KCNAB1: variants seen among roughly 807,000 people sequenced by gnomAD.
The protein encoded by KCNAB1 is voltage-gated potassium channel subunit beta-1.
KCNAB1 carries 35 observed loss-of-function variants against 64.6 expected under a neutral mutation model. The observed-to-expected ratio is 0.54, with a 90% CI of 0.41 to 0.72. The LOEUF (loss-of-function observed/expected upper bound fraction) is 0.72. KCNAB1 is among the 30% of genes least tolerant of loss of function. KCNAB1 has a pLI of 0.00. For synonymous variants in KCNAB1, 177 were observed against 183.8 expected, an observed-to-expected ratio of 0.96 and a Z score of 0.30; for missense variants, 401 against 512.9, an observed-to-expected ratio of 0.78 and a Z score of 2.11.
intron 1 of KCNAB1, among the ~76,000 whole-genome samples, chr3:156,160,931 A>T (rs1019022870): frequency 2.0e-5 from 3 of 152,242 alleles, no homozygotes; most frequent in African/African-American, 7.2e-5. Context: ...ACTCTGCAGC[A>T]GCTGTAGCTG....
intron 1 of KCNAB1, among the ~76,000 whole-genome samples, chr3:156,198,913 ATTTTT>A (rs71138701): frequency 4.7e-4 from 10 of 21,292 alleles, no homozygotes; most frequent in Admixed American, 1.2e-3. Flanking sequence ...TTATATTTTG[ATTTTT>A]TTTTTTTTTT....
intron 1 of KCNAB1, among the ~76,000 whole-genome samples, chr3:156,367,032 T>C (rs985280270): frequency 6.6e-6 from 1 of 152,284 alleles, no homozygotes; most frequent in African/African-American, 2.4e-5. Flanking sequence ...GCTAATCTAG[T>C]ACCTGGGCAG....
In KCNAB1 at chr3:156,419,632, C is replaced by T. The variant is rs112200830; in HGVS notation, c.276-1984C>T. Among the ~76,000 whole-genome samples the T allele has an allele frequency of 1.7e-3, 252 of 152,130 alleles. 2 individuals carry two copies. The highest frequency in any genetic ancestry group is 5.8e-3 in the African/African-American group (240 of 41,522). On this transcript the variant is annotated intron_variant, in intron 1 of 13. Coordinates refer to ENST00000490337, the MANE Select transcript of KCNAB1 (RefSeq NM_172160.3). Reference sequence around the variant, plus strand: ...TCCCTACTGAAAGACATTAAAAATACATGAAAACCCTTTTCTAGATCCTTT... The same window carrying T: ...TCCCTACTGAAAGACATTAAAAATATATGAAAACCCTTTTCTAGATCCTTT...
At chr3:156,400,872 C>A (rs1001639095) in intron 1 of KCNAB1, among the ~76,000 whole-genome samples, 10 of 152,184 alleles carry the variant, frequency 6.6e-5, no homozygotes, top group African/African-American at 2.4e-4. Context: ...CCCATCCTAC[C>A]CCCTACTTAG....
At position 156,459,855 on chromosome 3, in the gene KCNAB1, A is replaced by C; in HGVS notation, c.466A>C (p.Lys156Gln). 1 of 1,610,830 alleles carries C rather than the reference A, an allele frequency of 6.2e-7. No homozygotes were observed. The highest frequency in any genetic ancestry group is 8.5e-7 in the Non-Finnish European group (1 of 1,177,224). ...KAEVILGSII[K>Q]KKGWRRSSLV... ...TGAAGTGATTCTGGGGAGCATCATC[A>C]AGAAGAAAGGCTGGAGGTATTGCAT... The change falls in exon 5 of 14, where the codon AAG becomes CAG. Residue 156 changes from lysine (K) to glutamine (Q), a missense_variant. Coordinates refer to ENST00000490337, the MANE Select transcript of KCNAB1 (RefSeq NM_172160.3).
intron 4 of KCNAB1, among the ~76,000 whole-genome samples, chr3:156,459,457 T>C (rs964575259): frequency 2.0e-5 from 3 of 152,144 alleles, no homozygotes; most frequent in East Asian, 3.9e-4. Context: ...ATAGTCACAA[T>C]TGAATTGCTT....
At chr3:156,398,590 CAAA>C (rs767338912) in intron 1 of KCNAB1, among the ~76,000 whole-genome samples, 2 of 76,848 alleles carry the variant, frequency 2.6e-5, no homozygotes, top group East Asian at 4.8e-4. Flanking sequence ...GACTCCGTCT[CAAA>C]AAAAAAAAAA....
At position 156,515,122 on chromosome 3, in the gene KCNAB1, A is replaced by G; in HGVS notation, c.767A>G (p.Gln256Arg). 4 of 1,612,478 alleles carry G rather than the reference A, an allele frequency of 2.5e-6. No individual in the cohort carries two copies. Among genetic ancestry groups the G allele is most frequent in the Non-Finnish European group, 3.4e-6 (4 of 1,179,280 alleles). The change falls in exon 10 of 14, where the codon CAG (glutamine) becomes CGG (arginine). Residue 256 changes from glutamine (Q) to arginine (R), a missense_variant. By Grantham distance (43) the Gln-to-Arg change is conservative. Coordinates refer to ENST00000490337, the MANE Select transcript of KCNAB1 (RefSeq NM_172160.3). ...TAGGAAGCCTATTCTGTAGCAAGAC[A>G]GTTCAATATGATCCCACCGGTCTGT... ...EIMEAYSVAR[Q>R]FNMIPPVCEQ...
intron 11 of KCNAB1, among the ~76,000 whole-genome samples, chr3:156,523,209 A>G (rs1718072295): frequency 6.6e-6 from 1 of 152,156 alleles, no homozygotes; most frequent in Non-Finnish European, 1.5e-5. Flanking sequence ...ACATTTGCAA[A>G]GTCTTTATCT....
intron 1 of KCNAB1, among the ~76,000 whole-genome samples, chr3:156,344,825 C>T (rs906662580): frequency 6.6e-6 from 1 of 152,152 alleles, no homozygotes; most frequent in African/African-American, 2.4e-5. Context: ...TCTAAGATCC[C>T]ATTACGTCCT....
chr3:156,364,941 T>C (rs748081626), intron 1 of KCNAB1, among the ~76,000 whole-genome samples: 1 of 152,132 alleles, frequency 6.6e-6, no homozygotes, highest in Non-Finnish European at 1.5e-5. Context: ...CTAGGAGAGA[T>C]GACATCCAGG....
At chr3:156,520,708 A>G (rs914668884) in intron 11 of KCNAB1, among the ~76,000 whole-genome samples, 1 of 152,258 alleles carries the variant, frequency 6.6e-6, no homozygotes, top group African/African-American at 2.4e-5. Context: ...AACTAAGCAT[A>G]TTGTACATTA....
chr3:156,260,090 G>A (rs543428860), intron 1 of KCNAB1, among the ~76,000 whole-genome samples: 265 of 152,094 alleles, frequency 1.7e-3, no homozygotes, highest in Non-Finnish European at 1.6e-3. Flanking sequence ...ATCCTGCCTT[G>A]AAACTTCTGT....
At chr3:156,490,947 A>C (rs1026899691) in intron 8 of KCNAB1, among the ~76,000 whole-genome samples, 2 of 152,154 alleles carry the variant, frequency 1.3e-5, no homozygotes, top group Admixed American at 6.6e-5. Context: ...CATTTCAGAG[A>C]TTTAATTGAA....
At chr3:156,286,105 T>C (rs961369845) in intron 1 of KCNAB1, among the ~76,000 whole-genome samples, 8 of 152,158 alleles carry the variant, frequency 5.3e-5, no homozygotes, top group Admixed American at 5.2e-4. Context: ...AGTAGGAGGG[T>C]AGACATCTGG....
At chr3:156,502,332 AT>A (rs1716500616) in intron 8 of KCNAB1, among the ~76,000 whole-genome samples, 1 of 152,150 alleles carries the variant, frequency 6.6e-6, no homozygotes. Flanking sequence ...TATGGGATAA[AT>A]TGATGTAATA....
At chr3:156,451,184 T>C (rs918991106) in intron 2 of KCNAB1, among the ~76,000 whole-genome samples, 35 of 152,216 alleles carry the variant, frequency 2.3e-4, no homozygotes, top group Admixed American at 3.9e-4. Flanking sequence ...TGGCAACTTA[T>C]TCAAAATTTA....
At chr3:156,528,332 A>C (rs766477919) in intron 12 of KCNAB1, among the ~76,000 whole-genome samples, 35 of 152,232 alleles carry the variant, frequency 2.3e-4, no homozygotes, top group Non-Finnish European at 3.7e-4. Flanking sequence ...AAATGGGGGC[A>C]GAAGATGTGC....
chr3:156,470,922 G>A lies in KCNAB1; in HGVS notation c.572-3812G>A, dbSNP rs138976899. Among the ~76,000 whole-genome samples, 66 of 152,188 alleles carry A rather than the reference G, an allele frequency of 4.3e-4. No individual in the cohort carries two copies. In the East Asian group the frequency reaches 5.2e-3, roughly 12 times the overall value. On this transcript the variant is annotated intron_variant, in intron 7 of 13. Coordinates refer to ENST00000490337, the MANE Select transcript of KCNAB1 (RefSeq NM_172160.3). Reference sequence around the variant, plus strand: ...ATCAAGGATAACCACGTTTTGTAACGGGAGGCACAGCCATATGCTGAATAT... The same window carrying A: ...ATCAAGGATAACCACGTTTTGTAACAGGAGGCACAGCCATATGCTGAATAT...
Sources: gnomAD v4.1 joint callset for allele counts (sites outside exome capture counted in the v4.1 genomes callset) on GRCh38, gnomAD v4.1.1 for gene constraint, MANE v1.5 for transcripts, NCBI Gene and HGNC (gene_info 2026-07-23, HGNC 2026-07-21) for gene names.